SLIT3: variants seen among roughly 807,000 people sequenced by gnomAD.
The protein encoded by SLIT3 is slit homolog 3 protein.
SLIT3 carries 68 observed loss-of-function variants against 184.0 expected under a neutral mutation model. That is an observed-to-expected ratio of 0.37 (90% CI 0.30 to 0.45). The LOEUF is 0.45. SLIT3 is among the 20% of genes least tolerant of loss of function. SLIT3 has a pLI of 1.00. For synonymous variants in SLIT3, 831 were observed against 828.6 expected, an observed-to-expected ratio of 1.00 and a Z score of -0.05; for missense variants, 1,707 against 2,026.0, an observed-to-expected ratio of 0.84 and a Z score of 3.02.
At chr5:168,761,921 A>AAAAT (rs1554139194) in intron 15 of SLIT3, among the ~76,000 whole-genome samples, 55 of 110,492 alleles carry the variant, frequency 5.0e-4, no homozygotes, top group African/African-American at 1.3e-3. Flanking sequence ...AAAAAAAAAA[A>AAAAT]TTTTTTTTTT....
At position 168,795,491 on chromosome 5, in the gene SLIT3, C is replaced by T; in HGVS notation, c.1007+16G>A. ...TTGAAAACATTTGGGCCCATTTCTC[C>T]ACAGGGGAAACTCACATTCGCTTCA... On this transcript the variant is annotated intron_variant, in intron 10 of 35. Coordinates refer to ENST00000519560, the MANE Select transcript of SLIT3 (RefSeq NM_003062.4). 2 of 1,604,350 alleles carry T rather than the reference C, an allele frequency of 1.2e-6. No individual in the cohort carries two copies. Among genetic ancestry groups the T allele is most frequent in the Non-Finnish European group, 1.7e-6 (2 of 1,171,276 alleles).
rs147413564 is a variant in SLIT3, at chr5:168,869,661, G to A, written c.485+13604C>T. On this transcript the variant is annotated intron_variant, in intron 5 of 35. Coordinates refer to ENST00000519560, the MANE Select transcript of SLIT3 (RefSeq NM_003062.4). ...CCCATCTCTCAGCCCAAGAAATGGT[G>A]TTGTCTCTATTAGCAGAAAGAGGAG... is the stretch of plus-strand genomic sequence containing the variant. 2.0e-5 allele frequency among the ~76,000 whole-genome samples: 3 copies of A among 152,270 alleles called. No individual in the cohort carries two copies. In the East Asian group the frequency reaches 5.8e-4, roughly 29 times the overall value.
chr5:169,082,582 G>GTGTCTC (rs1759114003), intron 4 of SLIT3, among the ~76,000 whole-genome samples: 2 of 152,178 alleles, frequency 1.3e-5, no homozygotes, highest in Admixed American at 6.5e-5. Context: ...ATGTGTGTGT[G>GTGTCTC]TGTCTCTCTC....
At chr5:169,039,355 C>G (rs1427369922) in intron 4 of SLIT3, among the ~76,000 whole-genome samples, 1 of 139,584 alleles carries the variant, frequency 7.2e-6, no homozygotes, top group African/African-American at 2.6e-5. Context: ...CTTGTTCTGT[C>G]GCCCAGGCTG....
At chr5:169,081,320 C>T (rs994640579) in intron 4 of SLIT3, among the ~76,000 whole-genome samples, 1 of 152,168 alleles carries the variant, frequency 6.6e-6, no homozygotes, top group African/African-American at 2.4e-5. Flanking sequence ...TCATGCAGTG[C>T]AGCCAGCGGG....
At chr5:169,040,336 G>A (rs963870843) in intron 4 of SLIT3, among the ~76,000 whole-genome samples, 1 of 152,164 alleles carries the variant, frequency 6.6e-6, no homozygotes, top group South Asian at 2.1e-4. Context: ...AGGAGGCTAA[G>A]TTATCTTAAC....
At chr5:168,700,741 G>T in intron 26 of SLIT3, 62 bp from the exon 27 acceptor site, 1 of 1,175,432 alleles carries the variant, frequency 8.5e-7, no homozygotes, top group Non-Finnish European at 1.3e-6. Context: ...CCATGGCCCA[G>T]GGGACTCCAG....
chr5:169,257,881 G>A (rs1488418280), intron 1 of SLIT3, among the ~76,000 whole-genome samples: 1 of 151,426 alleles, frequency 6.6e-6, no homozygotes, highest in Non-Finnish European at 1.5e-5. Context: ...TCTTCTCTTT[G>A]CAACAGTTCT....
chr5:169,055,296 A>C (rs1561634619), intron 4 of SLIT3, among the ~76,000 whole-genome samples: 1 of 152,224 alleles, frequency 6.6e-6, no homozygotes, highest in Non-Finnish European at 1.5e-5. Context: ...GTAATCATGT[A>C]AATATTTTAG....
intron 5 of SLIT3, 55 bp downstream of exon 5, chr5:168,883,210 G>T: frequency 1.4e-6 from 2 of 1,446,302 alleles, no homozygotes; most frequent in Non-Finnish European, 1.9e-6. Context: ...CCTCACTCTG[G>T]TCAGAGAGCC....
intron 4 of SLIT3, among the ~76,000 whole-genome samples, chr5:168,988,780 C>A (rs544473918): frequency 1.1e-4 from 16 of 152,276 alleles, no homozygotes; most frequent in Non-Finnish European, 1.5e-4. Context: ...GAGACCCCCC[C>A]CCAGGGGCAG....
rs764452895 is a variant in SLIT3 at position 169,300,896 on chromosome 5, G to GGCA, written c.-190_-188dup. 6.4e-3 allele frequency: 2,127 copies of GGCA among 333,386 alleles called. 14 individuals are homozygous for GGCA. The highest frequency in any genetic ancestry group is 9.0e-3 in the Non-Finnish European group (1,797 of 200,092). The allele number at this position is 333,386 out of a possible 1,614,324, so 20.7% of individuals were successfully genotyped here. A position where few individuals can be genotyped will look rare whatever the true frequency, so the allele number is the denominator to read the frequency against. On this transcript the variant is annotated 5_prime_UTR_variant, in exon 1 of 36. Transcript: ENST00000519560. This position sits in a 1 kb window ranked among gnomAD's most constrained non-coding sequence, Gnocchi z 4.1. ...GCGGGGCGCTCCGGGCGGCGGCGGC[G>GGCA]GCAGCAACAGCAGCTCCATCGGCGG...
intron 20 of SLIT3, among the ~76,000 whole-genome samples, chr5:168,741,846 G>C (rs552545028): frequency 1.2e-4 from 17 of 141,882 alleles, no homozygotes; most frequent in African/African-American, 4.2e-4. Flanking sequence ...CCTTGTGAAG[G>C]ATATACCGCT....
intron 4 of SLIT3, among the ~76,000 whole-genome samples, chr5:168,909,368 C>A (rs114705212): frequency 6.6e-6 from 1 of 152,178 alleles, no homozygotes; most frequent in Non-Finnish European, 1.5e-5. Flanking sequence ...GTTTCCTTTG[C>A]AAACTCCAGA....
At chr5:169,249,120 G>C (rs1010349872) in intron 2 of SLIT3, among the ~76,000 whole-genome samples, 1 of 152,162 alleles carries the variant, frequency 6.6e-6, no homozygotes, top group Non-Finnish European at 1.5e-5. Flanking sequence ...CAGCTAAAAA[G>C]AATCGATTGA....
chr5:168,879,823 C>T (rs1759883252), intron 5 of SLIT3, among the ~76,000 whole-genome samples: 1 of 152,212 alleles, frequency 6.6e-6, no homozygotes, highest in African/African-American at 2.4e-5. Flanking sequence ...CCTGGCTCCT[C>T]CTCCTGAACT....
At chr5:168,820,435 G>A (rs1260987755) in intron 7 of SLIT3, among the ~76,000 whole-genome samples, 1 of 152,184 alleles carries the variant, frequency 6.6e-6, no homozygotes, top group African/African-American at 2.4e-5. Context: ...TGTCAAATGG[G>A]GATATTAGTG....
rs537293530 is a variant in SLIT3 at position 169,099,371 on chromosome 5, C to T, written c.413+94108G>A. 3.4e-4 allele frequency among the ~76,000 whole-genome samples: 51 copies of T among 152,220 alleles called. 1 individual carries two copies. The South Asian group carries it at 6.8e-3, about 20-fold the overall frequency. ...TTGTGTGACTTGTTCATCATCCATTCAATTGTTCATCATTCCTTAATTCAA... is the reference window on the plus strand; with the variant it reads ...TTGTGTGACTTGTTCATCATCCATTTAATTGTTCATCATTCCTTAATTCAA... On this transcript the variant is annotated intron_variant, in intron 4 of 35. Coordinates refer to ENST00000519560, the MANE Select transcript of SLIT3 (RefSeq NM_003062.4).
At chr5:168,850,053 A>G (rs1479247921) in intron 5 of SLIT3, among the ~76,000 whole-genome samples, 2 of 152,212 alleles carry the variant, frequency 1.3e-5, no homozygotes, top group African/African-American at 4.8e-5. Flanking sequence ...GTCTGCTGCT[A>G]GCTGGGGTCT....
Sources: allele counts gnomAD v4.1 joint callset (sites outside exome capture counted in the v4.1 genomes callset), GRCh38; gene constraint gnomAD v4.1.1; non-coding constraint Gnocchi (gnomAD v3.1); transcripts MANE v1.5; gene names NCBI Gene and HGNC (gene_info 2026-07-23, HGNC 2026-07-21).